The following RAP1GAP2 variants were observed in gnomAD, a reference collection of about 807,000 sequenced individuals.
RAP1GAP2 encodes the protein rap1 GTPase-activating protein 2.
Under a neutral mutation model 95.0 loss-of-function variants are expected in RAP1GAP2, and 27 were observed. The observed-to-expected ratio is 0.28, with a 90% CI of 0.21 to 0.39. RAP1GAP2 has a LOEUF of 0.39. Ranked by LOEUF, RAP1GAP2 falls within the 10% of genes least tolerant of loss-of-function variation. The pLI is 1.00. For synonymous variants in RAP1GAP2, 373 were observed against 380.9 expected, an observed-to-expected ratio of 0.98 and a Z score of 0.24; for missense variants, 771 against 970.0, an observed-to-expected ratio of 0.79 and a Z score of 2.72.
At chr17:2,954,106 T>G (rs751318930) in intron 3 of RAP1GAP2, among the ~76,000 whole-genome samples, 1 of 152,202 alleles carries the variant, frequency 6.6e-6, no homozygotes, top group Non-Finnish European at 1.5e-5. Context: ...GACTTTTGTC[T>G]TTTTTAAATT....
intron 23 of RAP1GAP2, among the ~76,000 whole-genome samples, chr17:3,032,001 A>G (rs995700037): frequency 6.0e-5 from 9 of 150,784 alleles, no homozygotes; most frequent in Non-Finnish European, 1.3e-4. Flanking sequence ...TGAGCTCTCC[A>G]GACTATCGAG....
chr17:2,949,998 C>T (rs1223634608), intron 3 of RAP1GAP2, among the ~76,000 whole-genome samples: 1 of 152,056 alleles, frequency 6.6e-6, no homozygotes, highest in Non-Finnish European at 1.5e-5. Flanking sequence ...ACCAACTGTG[C>T]CAGCCCCAGG....
chr17:2,995,212 C>T, intron 12 of RAP1GAP2, 125 bp from the exon 13 acceptor site: 7 of 1,204,660 alleles, frequency 5.8e-6, no homozygotes. Flanking sequence ...GCCTGCTCTG[C>T]CCTCAGCTCT....
chr17:2,971,977 G>T (rs2044884522), intron 8 of RAP1GAP2, among the ~76,000 whole-genome samples: 1 of 152,170 alleles, frequency 6.6e-6, no homozygotes, highest in South Asian at 2.1e-4. Context: ...GTCATAAAAA[G>T]ATGCATGACC....
intron 17 of RAP1GAP2, among the ~76,000 whole-genome samples, chr17:3,010,217 G>T (rs1015144965): frequency 6.6e-6 from 1 of 151,420 alleles, no homozygotes; most frequent in Non-Finnish European, 1.5e-5. Flanking sequence ...ACGTGAGCCT[G>T]TAATCCCAGC....
At chr17:2,941,874 G>T (rs563910923) in intron 3 of RAP1GAP2, among the ~76,000 whole-genome samples, 1 of 152,164 alleles carries the variant, frequency 6.6e-6, no homozygotes, top group East Asian at 1.9e-4. Flanking sequence ...GTAGAGACGG[G>T]GTTTTACCGT....
Position 2,903,650 on chromosome 17 carries a change from A to T in RAP1GAP2, c.81-1634A>T, listed in dbSNP as rs1331271963. On this transcript the variant is annotated intron_variant, in intron 2 of 24. Transcript: ENST00000254695. This position sits in a 1 kb window ranked among gnomAD's most constrained non-coding sequence, Gnocchi z 4.1. ...GAAAGAAAGAGGAAGGGAGATGGGGAGCAGGAGACAGGGATTGCCAGGTTC... is the reference window on the plus strand; with the variant it reads ...GAAAGAAAGAGGAAGGGAGATGGGGTGCAGGAGACAGGGATTGCCAGGTTC... Among the ~76,000 whole-genome samples the T allele has an allele frequency of 1.3e-5, 2 of 152,194 alleles. No individual in the cohort carries two copies. The highest frequency in any genetic ancestry group is 4.8e-5 in the African/African-American group (2 of 41,462).
In RAP1GAP2 at chr17:3,027,045, G is replaced by C. The variant is rs4790115; in HGVS notation, c.2082G>C (p.Pro694=). ...CCAGCCTGGGGGCAGCTGCCACCCC[G>C]ATCATCATGAGCCGGAGTCCCACAG... The part of the protein sequence containing the change: ...ESPSLGAAAT[P]IIMSRSPTDA... The change falls in exon 22 of 25, where the codon CCG becomes CCC. Residue 694 remains proline (P), a synonymous_variant. Transcript: ENST00000254695. This position sits in a 1 kb window ranked among gnomAD's most constrained non-coding sequence, Gnocchi z 5.2. 1 of 1,576,148 alleles carries C rather than the reference G, an allele frequency of 6.3e-7. No homozygotes were observed. Among genetic ancestry groups the C allele is most frequent in the Non-Finnish European group, 8.6e-7 (1 of 1,161,350 alleles).
At chr17:2,776,987 A>T (rs1333874291), upstream of RAP1GAP2, 7 of 152,652 alleles carry the variant, frequency 4.6e-5, no homozygotes, top group Non-Finnish European at 1.0e-4. Flanking sequence ...GCCAGCCTGG[A>T]TCGGGACGTG....
chr17:2,762,844 T>C (rs2071281580), intron 1 of RAP1GAP2, among the ~76,000 whole-genome samples: 1 of 151,962 alleles, frequency 6.6e-6, no homozygotes, highest in African/African-American at 2.4e-5. Context: ...ACCTGGCTAA[T>C]TATTTATCTT....
intron 2 of RAP1GAP2, among the ~76,000 whole-genome samples, chr17:2,844,483 A>C (rs1398286134): frequency 6.6e-6 from 1 of 152,196 alleles, no homozygotes; most frequent in Non-Finnish European, 1.5e-5. Context: ...CCTTATGGAA[A>C]GGGGGTGGAA....
Position 3,026,931 on chromosome 17 carries a change from CCT to C in RAP1GAP2, c.1981-7_1981-6del. ...GGGTGGGCTGGCCTCGCTCACCCTG[CCT>C]CTCTCCTCAGGGCAGCCAGCCGTCC... On this transcript the variant is annotated splice_polypyrimidine_tract_variant and intron_variant, in intron 21 of 24. Coordinates refer to ENST00000254695, the MANE Select transcript of RAP1GAP2 (RefSeq NM_015085.5). The C allele has an allele frequency of 6.5e-7, 1 of 1,549,624 alleles. No homozygotes were observed. The highest frequency in any genetic ancestry group is 8.7e-7 in the Non-Finnish European group (1 of 1,146,004).
At chr17:2,895,373 C>T (rs1413293893) in intron 2 of RAP1GAP2, among the ~76,000 whole-genome samples, 1 of 152,178 alleles carries the variant, frequency 6.6e-6, no homozygotes, top group Non-Finnish European at 1.5e-5. Context: ...GACCCTGGGG[C>T]CAAGCCTGCG....
intron 2 of RAP1GAP2, among the ~76,000 whole-genome samples, chr17:2,802,303 G>A (rs2069334872): frequency 6.6e-6 from 1 of 152,192 alleles, no homozygotes; most frequent in Admixed American, 6.5e-5. Flanking sequence ...CAAAATAAGA[G>A]GTTTCCCACT....
intron 20 of RAP1GAP2, 64 bp from the exon 21 acceptor site, chr17:3,026,286 G>A (rs2047113459): frequency 3.5e-6 from 5 of 1,414,416 alleles, no homozygotes; most frequent in Non-Finnish European, 4.9e-6. Context: ...GTCCCGGGGA[G>A]GACCCTGGGG....
intron 3 of RAP1GAP2, among the ~76,000 whole-genome samples, chr17:2,944,161 CAAA>C (rs36063732): frequency 5.3e-4 from 43 of 81,800 alleles, no homozygotes; most frequent in African/African-American, 1.1e-3. Flanking sequence ...ACAGCAAAAC[CAAA>C]AAAAAAAAAA....
At position 2,804,222 on chromosome 17, in the gene RAP1GAP2, T is replaced by C. The variant is rs566987234; in HGVS notation, c.80+3672T>C. 3.3e-5 allele frequency among the ~76,000 whole-genome samples: 5 copies of C among 152,290 alleles called. No individual in the cohort carries two copies. The East Asian group carries it at 7.8e-4, about 24-fold the overall frequency. The stretch of plus-strand genomic sequence containing the variant: ...CTCCCCAAGGACCTGGTGTCCTTGG[T>C]GCCTCCCCAGGTGTCCCTGAGGCCT... On this transcript the variant is annotated intron_variant, in intron 2 of 24. Transcript: ENST00000254695.
chr17:2,919,968 T>C, intron 3 of RAP1GAP2, among the ~76,000 whole-genome samples: 1 of 151,736 alleles, frequency 6.6e-6, no homozygotes. Flanking sequence ...CCCAAAGTGC[T>C]GGGATGACAG....
intron 3 of RAP1GAP2, among the ~76,000 whole-genome samples, chr17:2,922,988 C>CT (rs1567782436): frequency 6.6e-6 from 1 of 151,536 alleles, no homozygotes; most frequent in Non-Finnish European, 1.5e-5. Context: ...CAGCGATTCT[C>CT]CTGCCTCAGC....
Sources: gnomAD v4.1 joint callset for allele counts (sites outside exome capture counted in the v4.1 genomes callset) on GRCh38, gnomAD v4.1.1 for gene constraint, Gnocchi (gnomAD v3.1) non-coding constraint, MANE v1.5 for transcripts, NCBI Gene and HGNC (gene_info 2026-07-23, HGNC 2026-07-21) for gene names.